The following CSMD3 variants were observed in gnomAD, a reference collection of about 807,000 sequenced individuals.
CSMD3 encodes the protein CUB and sushi domain-containing protein 3.
A neutral mutation model predicts 435.2 loss-of-function variants in CSMD3; 177 were observed. The ratio of observed to expected loss-of-function variants is 0.41; its 90% CI spans 0.36 to 0.46. CSMD3 has a LOEUF of 0.46. CSMD3 is among the 20% of genes least tolerant of loss of function. The pLI is 0.34. For missense variants in CSMD3, 4,265 were observed against 4,504.6 expected, an observed-to-expected ratio of 0.95 and a Z score of 1.52; for synonymous variants, 1,656 against 1,520.5, an observed-to-expected ratio of 1.09 and a Z score of -2.07.
intron 4 of CSMD3, among the ~76,000 whole-genome samples, chr8:113,101,872 T>A (rs569364076): frequency 8.5e-5 from 13 of 152,052 alleles, no homozygotes; most frequent in East Asian, 1.9e-4. Flanking sequence ...TTAAAAAAAA[T>A]TTTGGTTTGG....
chr8:113,235,906 C>T (rs1053620648), intron 3 of CSMD3, among the ~76,000 whole-genome samples: 1 of 152,044 alleles, frequency 6.6e-6, no homozygotes, highest in African/African-American at 2.4e-5. Flanking sequence ...GTTACAGGTC[C>T]CTGATACCCA....
intron 66 of CSMD3, 116 bp downstream of exon 66, chr8:112,241,604 C>A: frequency 1.4e-6 from 1 of 718,562 alleles, no homozygotes. Context: ...AAATTCAAGA[C>A]AGTCATAGTT....
At chr8:113,376,742 G>A (rs766991272) in intron 1 of CSMD3, 2 of 1,613,990 alleles carry the variant, frequency 1.2e-6, no homozygotes, top group South Asian at 1.1e-5. Context: ...ATCTACCTGA[G>A]GCTGTCTGTC....
At chr8:113,019,890 G>T (rs1041705757) in intron 5 of CSMD3, among the ~76,000 whole-genome samples, 1 of 151,916 alleles carries the variant, frequency 6.6e-6, no homozygotes, top group Non-Finnish European at 1.5e-5. Flanking sequence ...CTGGCCGGGC[G>T]CGGTGGCTCA....
intron 35 of CSMD3, among the ~76,000 whole-genome samples, chr8:112,393,750 C>T (rs566739276): frequency 2.6e-5 from 4 of 152,276 alleles, no homozygotes; most frequent in Admixed American, 2.0e-4. Flanking sequence ...ATGATCAATC[C>T]TTAACTTGCA....
intron 11 of CSMD3, among the ~76,000 whole-genome samples, chr8:112,838,530 C>A (rs539827749): frequency 3.3e-5 from 5 of 151,648 alleles, no homozygotes; most frequent in Non-Finnish European, 3.0e-5. Flanking sequence ...GACAAGGTTT[C>A]TTTGCTCTAA....
intron 9 of CSMD3, among the ~76,000 whole-genome samples, chr8:112,931,817 T>C (rs1233823521): frequency 6.6e-6 from 1 of 152,084 alleles, no homozygotes; most frequent in African/African-American, 2.4e-5. Context: ...AAGGAAGACA[T>C]ACAAATGGCA....
intron 4 of CSMD3, among the ~76,000 whole-genome samples, chr8:113,150,970 G>T (rs1057332910): frequency 6.6e-6 from 1 of 151,712 alleles, no homozygotes; most frequent in South Asian, 2.1e-4. Context: ...AGAAAATATA[G>T]GATTTCATAA....
At chr8:113,278,838 G>T in intron 2 of CSMD3, 134 bp from the exon 3 acceptor site, 1 of 613,504 alleles carries the variant, frequency 1.6e-6, no homozygotes, top group South Asian at 1.7e-5. Flanking sequence ...ATGCTATCCA[G>T]CCAACACCTT....
chr8:112,488,650 A>T (rs1359070697), intron 31 of CSMD3, among the ~76,000 whole-genome samples: 1 of 152,214 alleles, frequency 6.6e-6, no homozygotes, highest in Non-Finnish European at 1.5e-5. Context: ...AGGGCCAGTC[A>T]CCTAATTCTC....
intron 3 of CSMD3, among the ~76,000 whole-genome samples, chr8:113,251,336 G>A (rs1241002179): frequency 6.6e-6 from 1 of 151,958 alleles, no homozygotes; most frequent in East Asian, 1.9e-4. Context: ...TAATGCTCTA[G>A]GCCTCTGTTA....
chr8:112,321,338 C>T (rs1822978354), intron 45 of CSMD3, among the ~76,000 whole-genome samples: 1 of 152,114 alleles, frequency 6.6e-6, no homozygotes, highest in Admixed American at 6.6e-5. Context: ...CCATTCAACA[C>T]TGCTTCTATT....
chr8:112,953,455 T>C (rs1252965532), intron 8 of CSMD3, among the ~76,000 whole-genome samples: 2 of 151,456 alleles, frequency 1.3e-5, no homozygotes, highest in South Asian at 2.1e-4. Flanking sequence ...CCAAAATACA[T>C]GAAGAAATAT....
At chr8:113,078,432 T>C (rs996365543) in intron 5 of CSMD3, among the ~76,000 whole-genome samples, 1 of 152,172 alleles carries the variant, frequency 6.6e-6, no homozygotes, top group Non-Finnish European at 1.5e-5. Context: ...TTTAGTAAAT[T>C]AAACATGAAA....
rs1361730248 is a variant in CSMD3, at chr8:112,228,849, T to G, written c.10871A>C (p.His3624Pro). The change falls in exon 70 of 71, where the codon CAT becomes CCT. Residue 3624 changes from histidine to proline, a missense_variant. By Grantham distance (77) the His-to-Pro change is moderately conservative. Transcript: ENST00000297405. Reference sequence around the variant, plus strand: ...GGCTACAGAACTACTATTTGTACCATGAGGTTGATTTGAAGAATTTGAACC... The same window carrying G: ...GGCTACAGAACTACTATTTGTACCAGGAGGTTGATTTGAAGAATTTGAACC... Reference protein sequence around the residue: ...SEGSNSSNQPHGTNSSSVAIA... With the variant: ...SEGSNSSNQPPGTNSSSVAIA... 2 of 1,590,846 alleles carry G rather than the reference T, an allele frequency of 1.3e-6. No individual in the cohort carries two copies. Among genetic ancestry groups the G allele is most frequent in the Non-Finnish European group, 1.7e-6 (2 of 1,159,780 alleles).
intron 3 of CSMD3, among the ~76,000 whole-genome samples, chr8:113,240,973 T>C (rs2093208335): frequency 6.6e-6 from 1 of 152,164 alleles, no homozygotes; most frequent in African/African-American, 2.4e-5. Flanking sequence ...ATAAGAAATA[T>C]AATAAGGGAT....
At chr8:113,254,079 A>G (rs1478354382) in intron 3 of CSMD3, among the ~76,000 whole-genome samples, 1 of 152,174 alleles carries the variant, frequency 6.6e-6, no homozygotes, top group Non-Finnish European at 1.5e-5. Context: ...ACTATTTAGA[A>G]CACAAAAATA....
rs147295588 is a variant in CSMD3 at position 112,895,224 on chromosome 8, T to C, written c.1633+26403A>G. On this transcript the variant is annotated intron_variant, in intron 10 of 70. Transcript: ENST00000297405. ...GCAAACAAATGGTATATAAGCTATA[T>C]ATATATTATAAAAGCATAATTATTT... is the stretch of plus-strand genomic sequence containing the variant. Among the ~76,000 whole-genome samples, 1,061 of 151,506 alleles carry C rather than the reference T, an allele frequency of 7.0e-3. 7 individuals are homozygous for C. The highest frequency in any genetic ancestry group is 0.01 in the Non-Finnish European group (703 of 67,602).
At chr8:113,223,763 T>C (rs1178021575) in intron 3 of CSMD3, among the ~76,000 whole-genome samples, 1 of 60,336 alleles carries the variant, frequency 1.7e-5, no homozygotes, top group Non-Finnish European at 3.2e-5. Context: ...TGTGTGTGTA[T>C]GTGTGTGTGT....
Sources: gnomAD v4.1 joint callset for allele counts (sites outside exome capture counted in the v4.1 genomes callset) on GRCh38, gnomAD v4.1.1 for gene constraint, MANE v1.5 for transcripts, NCBI Gene and HGNC (gene_info 2026-07-23, HGNC 2026-07-21) for gene names.